Variants in PAK5 observed in about 807,000 individuals in gnomAD.
The protein encoded by PAK5 is serine/threonine-protein kinase PAK 5.
PAK5 carries 16 observed loss-of-function variants against 65.9 expected under a neutral mutation model. The ratio of observed to expected loss-of-function variants is 0.24; its 90% CI spans 0.16 to 0.37. The LOEUF (loss-of-function observed/expected upper bound fraction) is 0.37, where lower values mean the gene tolerates loss of function less well. PAK5 is among the 10% of genes least tolerant of loss of function. The pLI is 1.00. For missense variants in PAK5, 785 were observed against 903.9 expected (o/e 0.87, Z 1.69); for synonymous variants, 371 against 354.9 (o/e 1.05, Z -0.51).
intron 1 of PAK5, among the ~76,000 whole-genome samples, chr20:9,773,459 A>G (rs1368730796): frequency 6.6e-6 from 1 of 152,130 alleles, no homozygotes; most frequent in Non-Finnish European, 1.5e-5. Flanking sequence ...TCATTGTTCA[A>G]TTCTTAGACA....
chr20:9,750,120 C>T (rs1384990402), intron 1 of PAK5, among the ~76,000 whole-genome samples: 1 of 151,940 alleles, frequency 6.6e-6, no homozygotes, highest in Non-Finnish European at 1.5e-5. Context: ...GTGCATCACC[C>T]TTTTTCATTT....
At chr20:9,551,537 C>A (rs930534187) in intron 7 of PAK5, among the ~76,000 whole-genome samples, 2 of 152,072 alleles carry the variant, frequency 1.3e-5, no homozygotes, top group African/African-American at 2.4e-5. Flanking sequence ...TGAGAGTGGG[C>A]AAAAGAGAGT....
intron 1 of PAK5, among the ~76,000 whole-genome samples, chr20:9,798,235 CTG>C (rs1230933776): frequency 1.4e-5 from 2 of 140,750 alleles, no homozygotes; most frequent in East Asian, 4.1e-4. Flanking sequence ...AGTAGAGTAA[CTG>C]TATGAGTTAT....
intron 1 of PAK5, among the ~76,000 whole-genome samples, chr20:9,787,984 G>A (rs2049010687): frequency 8.3e-5 from 1 of 12,022 alleles, no homozygotes; most frequent in South Asian, 2.7e-3. Context: ...TGTGTGTGTT[G>A]GGGGGGGTAT....
At chr20:9,754,814 T>C (rs1178750000) in intron 1 of PAK5, among the ~76,000 whole-genome samples, 3 of 152,112 alleles carry the variant, frequency 2.0e-5, no homozygotes, top group African/African-American at 7.2e-5. Flanking sequence ...CAAGATGGAG[T>C]TGGTTAGGTC....
chr20:9,542,665 G>T lies in PAK5; in HGVS notation c.1925C>A (p.Pro642His). The T allele has an allele frequency of 6.2e-7, 1 of 1,613,980 alleles. No homozygotes were observed. Residue 642 changes from proline to histidine, a missense_variant, in exon 9 of 10, where the codon CCC becomes CAC. Pro to His is a moderately conservative substitution (Grantham distance 77, BLOSUM62 -2). Transcript: ENST00000353224. The stretch of plus-strand genomic sequence containing the variant: ...CTGGAGGGGAGGCTCATTGAAGTAG[G>T]GGGGCTCGCCATCAATCATTTCTAT... ...MVIEMIDGEP[P>H]YFNEPPLQAM...
intron 1 of PAK5, among the ~76,000 whole-genome samples, chr20:9,816,235 T>A (rs1265850800): frequency 2.0e-5 from 3 of 152,118 alleles, no homozygotes; most frequent in Non-Finnish European, 4.4e-5. Context: ...ATTTAAAAAA[T>A]TAAATATTAA....
chr20:9,697,650 G>A (rs1292337638), intron 2 of PAK5, among the ~76,000 whole-genome samples: 1 of 152,014 alleles, frequency 6.6e-6, no homozygotes, highest in Non-Finnish European at 1.5e-5. Context: ...ATATAGACTT[G>A]TGGCTACTTG....
At chr20:9,625,646 C>T (rs2046834309) in intron 3 of PAK5, among the ~76,000 whole-genome samples, 1 of 152,148 alleles carries the variant, frequency 6.6e-6, no homozygotes, top group African/African-American at 2.4e-5. Context: ...AGGCACCATC[C>T]TAGCTCACTG....
chr20:9,685,821 A>G (rs916808396), intron 2 of PAK5, among the ~76,000 whole-genome samples: 4 of 152,200 alleles, frequency 2.6e-5, no homozygotes, highest in Non-Finnish European at 4.4e-5. Context: ...TTCTGCTAGT[A>G]CTTATCTACT....
intron 2 of PAK5, among the ~76,000 whole-genome samples, chr20:9,649,263 C>A (rs2047173239): frequency 6.6e-6 from 1 of 152,148 alleles, no homozygotes; most frequent in Non-Finnish European, 1.5e-5. Flanking sequence ...CATAAGGTCC[C>A]TTTGTGGGAC....
intron 1 of PAK5, among the ~76,000 whole-genome samples, chr20:9,748,518 C>T (rs2048535563): frequency 6.6e-6 from 1 of 152,090 alleles, no homozygotes; most frequent in Admixed American, 6.5e-5. Context: ...GAACAGAGCC[C>T]TCAGAAATAA....
chr20:9,818,215 C>T (rs1339642041), intron 1 of PAK5, among the ~76,000 whole-genome samples: 1 of 152,204 alleles, frequency 6.6e-6, no homozygotes, highest in East Asian at 1.9e-4. Context: ...CATTATTCCT[C>T]AGGTATGTCT....
chr20:9,720,427 A>G (rs1333695520), intron 1 of PAK5, among the ~76,000 whole-genome samples: 1 of 152,176 alleles, frequency 6.6e-6, no homozygotes, highest in African/African-American at 2.4e-5. Flanking sequence ...TTGCTGTTAG[A>G]TCTTCTTATA....
intron 1 of PAK5, among the ~76,000 whole-genome samples, chr20:9,760,417 T>C (rs761284312): frequency 3.9e-5 from 6 of 152,122 alleles, no homozygotes; most frequent in Non-Finnish European, 7.4e-5. Context: ...TTAGCAAAAC[T>C]GTCTGATACA....
chr20:9,798,196 G>A (rs929904520), intron 1 of PAK5, among the ~76,000 whole-genome samples: 1 of 152,118 alleles, frequency 6.6e-6, no homozygotes, highest in East Asian at 1.9e-4. Context: ...ATTCTTAGGA[G>A]AAGTTTGACT....
intron 3 of PAK5, among the ~76,000 whole-genome samples, chr20:9,611,359 A>G (rs578230788): frequency 6.6e-6 from 1 of 152,214 alleles, no homozygotes; most frequent in Non-Finnish European, 1.5e-5. Context: ...CCAAACTGCC[A>G]TTCCAGGAAG....
chr20:9,655,961 A>G (rs1292154410), intron 2 of PAK5, among the ~76,000 whole-genome samples: 4 of 152,104 alleles, frequency 2.6e-5, no homozygotes, highest in African/African-American at 4.8e-5. Flanking sequence ...TAATGACCTC[A>G]TTTTAATTTA....
Position 9,580,400 on chromosome 20 carries a change from G to A in PAK5, c.735C>T (p.Cys245=). The A allele has an allele frequency of 1.2e-6, 2 of 1,614,050 alleles. No homozygotes were observed. The highest frequency in any genetic ancestry group is 2.2e-5 in the East Asian group (1 of 44,878). Residue 245 remains cysteine, a synonymous_variant, in exon 4 of 10, where the codon TGC becomes TGT. Coordinates refer to ENST00000353224, the MANE Select transcript of PAK5 (RefSeq NM_177990.4). Reference sequence around the variant, plus strand: ...CACTGTACGCCAGGCTCTCCTTGGAGCACCCGCTGGTCCCTGCAGTTCTAG... The same window carrying A: ...CACTGTACGCCAGGCTCTCCTTGGAACACCCGCTGGTCCCTGCAGTTCTAG... ...TPSRTAGTSG[C]SKESLAYSES... is the part of the protein sequence containing the mutation.
Sources: allele counts gnomAD v4.1 joint callset (sites outside exome capture counted in the v4.1 genomes callset), GRCh38; gene constraint gnomAD v4.1.1; transcripts MANE v1.5; gene names NCBI Gene and HGNC (gene_info 2026-07-23, HGNC 2026-07-21).